Variants in AMER2 observed in about 807,000 individuals in gnomAD.
AMER2 encodes APC membrane recruitment protein 2.
AMER2 carries 1 observed loss-of-function variant against 4.7 expected under a neutral mutation model. That is an observed-to-expected ratio of 0.21 (90% CI 0.07 to 1.00). AMER2 has a LOEUF of 1.00. Among genes scored for constraint, AMER2 ranks in the 50% least tolerant of loss-of-function variants. AMER2 has a pLI of 0.60. For synonymous variants in AMER2, 485 were observed against 433.3 expected (o/e 1.12, Z -1.48); for missense variants, 988 against 966.9 (o/e 1.02, Z -0.29).
rs1020735227 is a variant in AMER2, at chr13:25,170,245, T to C, written c.1375A>G (p.Lys459Glu). The C allele has an allele frequency of 1.9e-6, 3 of 1,612,598 alleles. No homozygotes were observed. Among genetic ancestry groups the C allele is most frequent in the Admixed American group, 3.3e-5 (2 of 59,828 alleles). The change falls in exon 1 of 1, where the codon AAG (lysine) becomes GAG (glutamate). Residue 459 changes from lysine to glutamate, a missense_variant. Lys to Glu is a moderately conservative substitution (Grantham distance 56). Coordinates refer to ENST00000515384, the MANE Select transcript of AMER2 (RefSeq NM_152704.4). The surrounding 1 kb of genome is among the most constrained non-coding windows in gnomAD (Gnocchi z 7.3). The stretch of plus-strand genomic sequence containing the variant: ...TTGGTTTCCAGCGCAGCTGCCACCT[T>C]AGCCGCGCCCTCCTGGGGCTCGGGT... ...QGPEPQEGAA[K>E]VAAALETKVV...
Position 25,167,677 on chromosome 13 carries a change from C to A in AMER2, c.*1927G>T, listed in dbSNP as rs556354374. ...ATAACATTATGGATCTGAGACAATG[C>A]AATAAAAGCCAGTCATATGACTAAT... On this transcript the variant is annotated 3_prime_UTR_variant, in exon 1 of 1. Transcript: ENST00000515384. 36 of 152,210 alleles carry A rather than the reference C, an allele frequency of 2.4e-4. No individual in the cohort carries two copies. In the East Asian group the frequency reaches 6.8e-3, roughly 29 times the overall value. 9.4% of individuals were successfully genotyped at this position (152,210 alleles called of 1,614,324 possible).
chr13:25,171,445 G>A lies in AMER2; in HGVS notation c.175C>T (p.Pro59Ser). Reference sequence around the variant, plus strand: ...GCAGCTTTATTAATCTTCCCCGACGGCGGCTCGGCGGCCGGCGTTTCGGCG... The same window carrying A: ...GCAGCTTTATTAATCTTCCCCGACGACGGCTCGGCGGCCGGCGTTTCGGCG... ...CAAETPAAEP[P>S]SGKINKAAFK... is the part of the protein sequence containing the mutation. Residue 59 changes from proline (P) to serine (S), a missense_variant, in exon 1 of 1, where the codon CCG becomes TCG. Transcript: ENST00000515384. The surrounding 1 kb of genome is among the most constrained non-coding windows in gnomAD (Gnocchi z 5.9). 2 of 1,611,960 alleles carry A rather than the reference G, an allele frequency of 1.2e-6. No individual in the cohort carries two copies. Among genetic ancestry groups the A allele is most frequent in the Non-Finnish European group, 1.7e-6 (2 of 1,179,400 alleles).
chr13:25,165,380 G>A lies in AMER2; in HGVS notation c.*4224C>T, dbSNP rs897116868. 1.3e-5 allele frequency: 2 copies of A among 152,284 alleles called. No homozygotes were observed. Among genetic ancestry groups the A allele is most frequent in the Admixed American group, 6.5e-5 (1 of 15,288 alleles). The allele number at this position is 152,284 out of a possible 1,614,324, so 9.4% of individuals were successfully genotyped here. A position where few individuals can be genotyped will look rare whatever the true frequency, so the allele number is the denominator to read the frequency against. On this transcript the variant is annotated 3_prime_UTR_variant, in exon 1 of 1. Coordinates refer to ENST00000515384, the MANE Select transcript of AMER2 (RefSeq NM_152704.4). ...AATGTCACAGCTCGCTTCTGCCTGT[G>A]AACTACACCCTTGCCTTTTGCTTCC...
rs1361590047 is a variant in AMER2 at position 25,169,385 on chromosome 13, T to C, written c.*219A>G. 4.2e-6 allele frequency: 2 copies of C among 478,110 alleles called. No homozygotes were observed. The highest frequency in any genetic ancestry group is 2.0e-5 in the African/African-American group (1 of 50,296). The allele number at this position is 478,110 out of a possible 1,614,324, so 29.6% of individuals were successfully genotyped here. A position where few individuals can be genotyped will look rare whatever the true frequency, so the allele number is the denominator to read the frequency against. ...CTTGAAAATAATTCTCAGGGACTTA[T>C]CTTGAGAGGAGAAACCCCCGTGTAG... On this transcript the variant is annotated 3_prime_UTR_variant, in exon 1 of 1. Coordinates refer to ENST00000515384, the MANE Select transcript of AMER2 (RefSeq NM_152704.4). The surrounding 1 kb of genome is among the most constrained non-coding windows in gnomAD (Gnocchi z 4.2).
Position 25,170,390 on chromosome 13 carries a change from T to C in AMER2, c.1230A>G (p.Lys410=). Residue 410 remains lysine, a synonymous_variant, in exon 1 of 1, where the codon AAA becomes AAG. Transcript: ENST00000515384. This position sits in a 1 kb window ranked among gnomAD's most constrained non-coding sequence, Gnocchi z 7.3. ...GGTAGGCCACCACGCCGGGGTTCTT[T>C]TTAGACAGAGCCGGCTTGCCTGGCC... is the stretch of plus-strand genomic sequence containing the variant. ...VPGPGKPALS[K]KNPGVVAYQG... 1 of 1,614,132 alleles carries C rather than the reference T, an allele frequency of 6.2e-7. No individual in the cohort carries two copies.
Position 25,171,583 on chromosome 13 carries a change from C to T in AMER2, c.37G>A (p.Val13Ile). The change falls in exon 1 of 1, where the codon GTC (valine) becomes ATC (isoleucine). Residue 13 changes from valine to isoleucine, a missense_variant. Coordinates refer to ENST00000515384, the MANE Select transcript of AMER2 (RefSeq NM_152704.4). This position sits in a 1 kb window ranked among gnomAD's most constrained non-coding sequence, Gnocchi z 5.9. ...GCGCCAGCTCCGCCGCGCTCGCTGA[C>T]AGCCCCGCCGCCGCCGCGGCTCCGG... The part of the protein sequence containing the change: ...TSRSRGGGGA[V>I]SERGGAGASV... 6.6e-7 allele frequency: 1 copy of T among 1,516,906 alleles called. No individual in the cohort carries two copies. The highest frequency in any genetic ancestry group is 8.7e-7 in the Non-Finnish European group (1 of 1,145,918). The allele number at this position is 1,516,906 out of a possible 1,614,324, so 94.0% of individuals were successfully genotyped here.
chr13:25,169,787 G>A lies in AMER2; in HGVS notation c.1833C>T (p.Ser611=), dbSNP rs1956528808. 6.2e-7 allele frequency: 1 copy of A among 1,614,188 alleles called. No individual in the cohort carries two copies. Among genetic ancestry groups the A allele is most frequent in the Non-Finnish European group, 8.5e-7 (1 of 1,180,034 alleles). The change falls in exon 1 of 1, where the codon AGC becomes AGT. Residue 611 remains serine (S), a synonymous_variant. Coordinates refer to ENST00000515384, the MANE Select transcript of AMER2 (RefSeq NM_152704.4). The surrounding 1 kb of genome is among the most constrained non-coding windows in gnomAD (Gnocchi z 4.2). ...SLLKDSKIPI[S]IKHLTNLPSS... is the part of the protein sequence containing the mutation. The stretch of plus-strand genomic sequence containing the variant: ...ATGGAAGGTTGGTCAGGTGCTTGAT[G>A]CTAATAGGGATCTTAGAGTCCTTCA...
rs773799706 is a variant in AMER2 at position 25,170,536 on chromosome 13, T to C, written c.1084A>G (p.Ile362Val). 3 of 1,613,978 alleles carry C rather than the reference T, an allele frequency of 1.9e-6. No homozygotes were observed. Among genetic ancestry groups the C allele is most frequent in the Non-Finnish European group, 2.5e-6 (3 of 1,179,968 alleles). Residue 362 changes from isoleucine (I) to valine (V), a missense_variant, in exon 1 of 1, where the codon ATT (isoleucine) becomes GTT (valine). Coordinates refer to ENST00000515384, the MANE Select transcript of AMER2 (RefSeq NM_152704.4). This position sits in a 1 kb window ranked among gnomAD's most constrained non-coding sequence, Gnocchi z 7.3. ...GTCACGTCAGAAAACATCAAACAAATACGATCTGCCGACGGGTCTGAGGGT... is the reference window on the plus strand; with the variant it reads ...GTCACGTCAGAAAACATCAAACAAACACGATCTGCCGACGGGTCTGAGGGT... ...DPPSDPSADRICLMFSDVTSL... is the reference protein window; with the variant it reads ...DPPSDPSADRVCLMFSDVTSL...
rs1956536234 is a variant in AMER2, at chr13:25,170,102, G to C, written c.1518C>G (p.Pro506=). Residue 506 remains proline (P), a synonymous_variant, in exon 1 of 1, where the codon CCC becomes CCG. Transcript: ENST00000515384. This position sits in a 1 kb window ranked among gnomAD's most constrained non-coding sequence, Gnocchi z 7.3. ...IPIEPHPKEE[P]KHPEKEQQEG... The stretch of plus-strand genomic sequence containing the variant: ...CCTGCTGCTCCTTCTCCGGGTGCTT[G>C]GGCTCCTCCTTAGGATGGGGCTCGA... 2.5e-6 allele frequency: 4 copies of C among 1,613,944 alleles called. No homozygotes were observed. The highest frequency in any genetic ancestry group is 3.4e-6 in the Non-Finnish European group (4 of 1,180,034).
Position 25,170,637 on chromosome 13 carries a change from T to C in AMER2, c.983A>G (p.Lys328Arg). ...DASRTGAVPV[K>R]TVPLVDSEGG... ...TTCGGAGTCGACAAGGGGGACCGTC[T>C]TTACGGGAACGGCCCCCGTCCTGGA... Residue 328 changes from lysine (K) to arginine (R), a missense_variant, in exon 1 of 1, where the codon AAG becomes AGG. Transcript: ENST00000515384. This position sits in a 1 kb window ranked among gnomAD's most constrained non-coding sequence, Gnocchi z 7.3. 1 of 1,557,330 alleles carries C rather than the reference T, an allele frequency of 6.4e-7. No homozygotes were observed. Among genetic ancestry groups the C allele is most frequent in the East Asian group, 2.4e-5 (1 of 41,576 alleles).
chr13:25,169,487 G>A lies in AMER2; in HGVS notation c.*117C>T. 12 of 1,370,392 alleles carry A rather than the reference G, an allele frequency of 8.8e-6. No homozygotes were observed. Among genetic ancestry groups the A allele is most frequent in the Non-Finnish European group, 1.2e-5 (12 of 1,033,144 alleles). The allele number at this position is 1,370,392 out of a possible 1,614,324, so 84.9% of individuals were successfully genotyped here. On this transcript the variant is annotated 3_prime_UTR_variant, in exon 1 of 1. Coordinates refer to ENST00000515384, the MANE Select transcript of AMER2 (RefSeq NM_152704.4). The surrounding 1 kb of genome is among the most constrained non-coding windows in gnomAD (Gnocchi z 4.2). ...TCGGTCCACGCTCTGGAGCAGGGCGGGGGACGGGTGGTGTCCTAAAAGACT... is the reference window on the plus strand; with the variant it reads ...TCGGTCCACGCTCTGGAGCAGGGCGAGGGACGGGTGGTGTCCTAAAAGACT...
rs949139922 is a variant in AMER2 at position 25,162,434 on chromosome 13, A to G, written c.*7170T>C. The G allele has an allele frequency of 1.3e-5, 2 of 152,242 alleles. No individual in the cohort carries two copies. Among genetic ancestry groups the G allele is most frequent in the African/African-American group, 4.8e-5 (2 of 41,466 alleles). The allele number at this position is 152,242 out of a possible 1,614,324, so 9.4% of individuals were successfully genotyped here. ...ACCACTATCAGATCCTCCATATTCAATAAGATTTATCCTGGAAGCAATGAA... is the reference window on the plus strand; with the variant it reads ...ACCACTATCAGATCCTCCATATTCAGTAAGATTTATCCTGGAAGCAATGAA... On this transcript the variant is annotated 3_prime_UTR_variant, in exon 1 of 1. Coordinates refer to ENST00000515384, the MANE Select transcript of AMER2 (RefSeq NM_152704.4).
Position 25,169,754 on chromosome 13 carries a change from A to T in AMER2, c.1866T>A (p.His622Gln). 6.2e-7 allele frequency: 1 copy of T among 1,614,078 alleles called. No individual in the cohort carries two copies. The highest frequency in any genetic ancestry group is 8.5e-7 in the Non-Finnish European group (1 of 1,180,008). The change falls in exon 1 of 1, where the codon CAT (histidine) becomes CAA (glutamine). Residue 622 changes from histidine (H) to glutamine (Q), a missense_variant. By Grantham distance (24) the His-to-Gln change is conservative. Coordinates refer to ENST00000515384, the MANE Select transcript of AMER2 (RefSeq NM_152704.4). The surrounding 1 kb of genome is among the most constrained non-coding windows in gnomAD (Gnocchi z 4.2). The part of the protein sequence containing the change: ...IKHLTNLPSS[H>Q]PVVHQQPSRS... ...TGGAGGGTTGCTGGTGCACCACGGG[A>T]TGGCTAGATGGAAGGTTGGTCAGGT...
Position 25,169,703 on chromosome 13 carries a change from G to A in AMER2, c.1917C>T (p.Ile639=). 1 of 1,614,198 alleles carries A rather than the reference G, an allele frequency of 6.2e-7. No homozygotes were observed. The highest frequency in any genetic ancestry group is 8.5e-7 in the Non-Finnish European group (1 of 1,180,028). The change falls in exon 1 of 1, where the codon ATC becomes ATT. Residue 639 remains isoleucine, a synonymous_variant. Transcript: ENST00000515384. The surrounding 1 kb of genome is among the most constrained non-coding windows in gnomAD (Gnocchi z 4.2). ...TGCGGACCAGCACTTTGGAAACCGGGATTTTTGTTCTGGGCATCTCACTCC... is the reference window on the plus strand; with the variant it reads ...TGCGGACCAGCACTTTGGAAACCGGAATTTTTGTTCTGGGCATCTCACTCC... ...PSRSEMPRTK[I]PVSKVLVRRV... is the part of the protein sequence containing the mutation.
chr13:25,171,367 C>T lies in AMER2; in HGVS notation c.253G>A (p.Gly85Arg). 6.2e-7 allele frequency: 1 copy of T among 1,612,448 alleles called. No homozygotes were observed. Among genetic ancestry groups the T allele is most frequent in the Non-Finnish European group, 8.5e-7 (1 of 1,179,522 alleles). Residue 85 changes from glycine (G) to arginine (R), a missense_variant, in exon 1 of 1, where the codon GGG becomes AGG. Gly to Arg is a moderately radical substitution (Grantham distance 125). Coordinates refer to ENST00000515384, the MANE Select transcript of AMER2 (RefSeq NM_152704.4). The surrounding 1 kb of genome is among the most constrained non-coding windows in gnomAD (Gnocchi z 5.9). ...TTCCCGTCCCCTTTGTTTTTGACCC[C>T]AAAAATGCTGGGCATGGTGCCACCC... ...KSGGTMPSIFGVKNKGDGKSS... is the reference protein window; with the variant it reads ...KSGGTMPSIFRVKNKGDGKSS...
chr13:25,171,106 G>A lies in AMER2; in HGVS notation c.514C>T (p.Arg172Cys). ...GGCTCTCCCTTGCCGTTTTCCGAGC[G>A]CCCGTTCTTCTTCAGCAGCGAGAAG... Reference protein sequence around the residue: ...SFFSLLKKNGRSENGKGEPVD... With the variant: ...SFFSLLKKNGCSENGKGEPVD... Residue 172 changes from arginine (R) to cysteine (C), a missense_variant, in exon 1 of 1, where the codon CGC becomes TGC. By Grantham distance (180) the Arg-to-Cys change is radical. Transcript: ENST00000515384. The surrounding 1 kb of genome is among the most constrained non-coding windows in gnomAD (Gnocchi z 5.9). 6.4e-7 allele frequency: 1 copy of A among 1,563,778 alleles called. No homozygotes were observed. The highest frequency in any genetic ancestry group is 8.7e-7 in the Non-Finnish European group (1 of 1,156,054).
rs1387929316 is a variant in AMER2, at chr13:25,170,460, T to C, written c.1160A>G (p.Asp387Gly). The C allele has an allele frequency of 6.2e-7, 1 of 1,614,022 alleles. No homozygotes were observed. The highest frequency in any genetic ancestry group is 8.5e-7 in the Non-Finnish European group (1 of 1,180,028). Residue 387 changes from aspartate (D) to glycine (G), a missense_variant, in exon 1 of 1, where the codon GAC becomes GGC. Physicochemically the swap from Asp to Gly is moderately conservative, Grantham distance 94 (BLOSUM62 -1). Transcript: ENST00000515384. The surrounding 1 kb of genome is among the most constrained non-coding windows in gnomAD (Gnocchi z 7.3). ...GCTGGGACCTGCCTCTTCCTCTTGG[T>C]CTGCAATAATATCTCCACAGCCTGT... ...SLTGCGDIIADQEEEAGPSCD... is the reference protein window; with the variant it reads ...SLTGCGDIIAGQEEEAGPSCD...
Position 25,170,348 on chromosome 13 carries a change from C to G in AMER2, c.1272G>C (p.Glu424Asp). 1 of 1,614,114 alleles carries G rather than the reference C, an allele frequency of 6.2e-7. No individual in the cohort carries two copies. Among genetic ancestry groups the G allele is most frequent in the Non-Finnish European group, 8.5e-7 (1 of 1,180,024 alleles). ...CGTCCACCTCGTCCGGGCTGGCCAT[C>G]TCTTCCCCGCCTCCTTGGTAGGCCA... ...GVVAYQGGGE[E>D]MASPDEVDDT... Residue 424 changes from glutamate to aspartate, a missense_variant, in exon 1 of 1, where the codon GAG (glutamate) becomes GAC (aspartate). Coordinates refer to ENST00000515384, the MANE Select transcript of AMER2 (RefSeq NM_152704.4). This position sits in a 1 kb window ranked among gnomAD's most constrained non-coding sequence, Gnocchi z 7.3.
rs200566409 is a variant in AMER2 at position 25,170,885 on chromosome 13, C to G, written c.735G>C (p.Ala245=). ...ECVKEETPRA[A]REPEEPSQDA... ...CCTGGCTGGGCTCCTCCGGCTCGCG[C>G]GCGGCTCTGGGCGTCTCCTCCTTGA... Residue 245 remains alanine, a synonymous_variant, in exon 1 of 1, where the codon GCG becomes GCC. Coordinates refer to ENST00000515384, the MANE Select transcript of AMER2 (RefSeq NM_152704.4). This position sits in a 1 kb window ranked among gnomAD's most constrained non-coding sequence, Gnocchi z 7.3. 2.5e-5 allele frequency: 36 copies of G among 1,458,074 alleles called. No individual in the cohort carries two copies. Among genetic ancestry groups the G allele is most frequent in the Non-Finnish European group, 3.1e-5 (35 of 1,113,406 alleles). The allele number at this position is 1,458,074 out of a possible 1,614,324, so 90.3% of individuals were successfully genotyped here.
Sources: allele counts gnomAD v4.1 joint callset, GRCh38; gene constraint gnomAD v4.1.1; non-coding constraint Gnocchi (gnomAD v3.1); transcripts MANE v1.5; gene names NCBI Gene and HGNC (gene_info 2026-07-23, HGNC 2026-07-21).